TBC1D22A: variants seen among roughly 807,000 people sequenced by gnomAD.
The protein encoded by TBC1D22A is putative GTPase activator.
In TBC1D22A, 38 loss-of-function variants were observed where a neutral mutation model predicts 60.2. That is an observed-to-expected ratio of 0.63 (90% CI 0.49 to 0.83). The LOEUF (loss-of-function observed/expected upper bound fraction) is 0.83, where lower values mean the gene tolerates loss of function less well. Ranked by LOEUF, TBC1D22A falls within the 40% of genes least tolerant of loss-of-function variation. The pLI is 0.00. For synonymous variants in TBC1D22A, 302 were observed against 281.7 expected (o/e 1.07, Z -0.72); for missense variants, 628 against 701.0 (o/e 0.90, Z 1.18).
At chr22:47,004,844 C>G (rs533014355) in intron 10 of TBC1D22A, among the ~76,000 whole-genome samples, 3 of 151,654 alleles carry the variant, frequency 2.0e-5, no homozygotes, top group Non-Finnish European at 4.4e-5. Context: ...TACACCCACA[C>G]TACTGTACAT....
intron 12 of TBC1D22A, chr22:47,116,759 T>A (rs2066074328): frequency 6.6e-6 from 1 of 152,558 alleles, no homozygotes; most frequent in East Asian, 1.9e-4. Context: ...GTTGTGTGAA[T>A]CTGCCAGCTG....
At chr22:47,163,903 A>AT (rs1346437253) in intron 12 of TBC1D22A, among the ~76,000 whole-genome samples, 13 of 152,334 alleles carry the variant, frequency 8.5e-5, no homozygotes, top group South Asian at 8.3e-4. Context: ...ATAACTGCAC[A>AT]TATCAGCACC....
At chr22:47,066,397 C>G (rs958630672) in intron 11 of TBC1D22A, among the ~76,000 whole-genome samples, 1 of 150,096 alleles carries the variant, frequency 6.7e-6, no homozygotes, top group Non-Finnish European at 1.5e-5. Flanking sequence ...AGGGGATGCT[C>G]GAGTCAGGGG....
intron 7 of TBC1D22A, among the ~76,000 whole-genome samples, chr22:46,903,559 C>G (rs1452869397): frequency 1.3e-5 from 2 of 152,208 alleles, no homozygotes; most frequent in Non-Finnish European, 2.9e-5. Context: ...CTAGAGGGAC[C>G]AGCAAGGTCC....
At chr22:46,986,115 T>C (rs2074713729) in intron 9 of TBC1D22A, among the ~76,000 whole-genome samples, 1 of 152,244 alleles carries the variant, frequency 6.6e-6, no homozygotes, top group South Asian at 2.1e-4. Context: ...AGGCTTCATT[T>C]TTTCCTCTAC....
chr22:46,885,875 T>C (rs376225593), intron 5 of TBC1D22A, among the ~76,000 whole-genome samples: 14 of 151,374 alleles, frequency 9.2e-5, no homozygotes, highest in African/African-American at 2.9e-4. Context: ...CTGTGCACAC[T>C]CGGGGCTGGT....
intron 11 of TBC1D22A, among the ~76,000 whole-genome samples, chr22:47,043,014 G>A (rs1300844215): frequency 6.6e-6 from 1 of 152,210 alleles, no homozygotes; most frequent in South Asian, 2.1e-4. Flanking sequence ...CAGCCCACGT[G>A]CAGTTATCAG....
chr22:46,882,168 G>A (rs1009489744), intron 5 of TBC1D22A, among the ~76,000 whole-genome samples: 9 of 152,132 alleles, frequency 5.9e-5, no homozygotes, highest in Admixed American at 2.0e-4. Context: ...CCGGGCCCAC[G>A]AAGCAAATTG....
chr22:46,997,346 T>G (rs1008164536), intron 9 of TBC1D22A, among the ~76,000 whole-genome samples: 6 of 152,260 alleles, frequency 3.9e-5, no homozygotes, highest in South Asian at 2.1e-4. Flanking sequence ...TCAATTTAGA[T>G]GTAAGTGTCT....
chr22:47,052,265 T>C (rs2063249745), intron 11 of TBC1D22A, among the ~76,000 whole-genome samples: 1 of 152,216 alleles, frequency 6.6e-6, no homozygotes, highest in Non-Finnish European at 1.5e-5. Context: ...CATTCCATAG[T>C]CCAGAGGCCG....
chr22:46,820,822 G>C (rs926618779), intron 4 of TBC1D22A, among the ~76,000 whole-genome samples: 1 of 152,098 alleles, frequency 6.6e-6, no homozygotes, highest in African/African-American at 2.4e-5. Flanking sequence ...ACTGATAGTG[G>C]GGTGTTAAAG....
At chr22:46,888,280 C>T (rs1257351191) in intron 5 of TBC1D22A, among the ~76,000 whole-genome samples, 1 of 152,228 alleles carries the variant, frequency 6.6e-6, no homozygotes, top group Non-Finnish European at 1.5e-5. Context: ...CCCATCCGGA[C>T]CACAAGGGTT....
At chr22:47,036,552 G>T (rs958633268) in intron 10 of TBC1D22A, among the ~76,000 whole-genome samples, 6 of 152,204 alleles carry the variant, frequency 3.9e-5, no homozygotes, top group Non-Finnish European at 1.5e-5. Flanking sequence ...TGCAGTCGAG[G>T]GGTGTCCTTC....
intron 12 of TBC1D22A, among the ~76,000 whole-genome samples, chr22:47,158,887 A>G (rs200281151): frequency 6.6e-6 from 1 of 152,034 alleles, no homozygotes; most frequent in East Asian, 1.9e-4. Context: ...CAGGCCACAC[A>G]CACACACACC....
chr22:46,909,932 T>C (rs1408879371), intron 7 of TBC1D22A, among the ~76,000 whole-genome samples: 1 of 152,174 alleles, frequency 6.6e-6, no homozygotes, highest in Non-Finnish European at 1.5e-5. Context: ...CCGCCCTGCT[T>C]CTTCATCTCC....
At chr22:46,954,724 C>T (rs1379242648) in intron 8 of TBC1D22A, among the ~76,000 whole-genome samples, 2 of 152,214 alleles carry the variant, frequency 1.3e-5, no homozygotes, top group Non-Finnish European at 2.9e-5. Context: ...GTCATCTACC[C>T]ATTAGGGATC....
chr22:46,884,364 G>T (rs6009017), intron 5 of TBC1D22A, among the ~76,000 whole-genome samples: 23,588 of 152,218 alleles, frequency 0.15, 5,128 homozygotes, highest in African/African-American at 0.49. Flanking sequence ...GGTTCATTCT[G>T]TGGAGAGGGC....
Position 47,160,246 on chromosome 22 carries a change from G to A in TBC1D22A, c.1426-13252G>A, listed in dbSNP as rs556341537. 2.6e-5 allele frequency among the ~76,000 whole-genome samples: 4 copies of A among 152,356 alleles called. No homozygotes were observed. The South Asian group carries it at 8.3e-4, about 32-fold the overall frequency. ...CACCGCCTGATCGAGGAGCCAGGGTGGGGTGGAGCTGGAGCACGTGGTCAG... is the reference window on the plus strand; with the variant it reads ...CACCGCCTGATCGAGGAGCCAGGGTAGGGTGGAGCTGGAGCACGTGGTCAG... On this transcript the variant is annotated intron_variant, in intron 12 of 12. Transcript: ENST00000337137.
At position 47,149,656 on chromosome 22, in the gene TBC1D22A, A is replaced by G. The variant is rs563768665; in HGVS notation, c.1426-23842A>G. On this transcript the variant is annotated intron_variant, in intron 12 of 12. Transcript: ENST00000337137. Reference sequence around the variant, plus strand: ...AGGCCGGAAGGATGGCAGAGCCGGCAGGGCTGCAGGGAGGTACCCGCAGTG... The same window carrying G: ...AGGCCGGAAGGATGGCAGAGCCGGCGGGGCTGCAGGGAGGTACCCGCAGTG... Among the ~76,000 whole-genome samples, 551 of 152,052 alleles carry G rather than the reference A, an allele frequency of 3.6e-3. 1 individual carries two copies. Among genetic ancestry groups the G allele is most frequent in the Non-Finnish European group, 6.0e-3 (406 of 68,038 alleles).
Sources: allele counts gnomAD v4.1 joint callset (sites outside exome capture counted in the v4.1 genomes callset), GRCh38; gene constraint gnomAD v4.1.1; transcripts MANE v1.5; gene names NCBI Gene and HGNC (gene_info 2026-07-23, HGNC 2026-07-21).